Variants in ENTREP2 observed in about 807,000 individuals in gnomAD.
The protein encoded by ENTREP2 is endosomal transmembrane epsin interactor 2.
At chr15:29,320,868 C>T in the ENTREP2 span, among the ~76,000 whole-genome samples, 1 of 151,986 alleles carries the variant, frequency 6.6e-6, no homozygotes, top group Admixed American at 6.6e-5. Flanking sequence ...AATAAAATAA[C>T]CACCATAAAA....
chr15:29,657,350 G>T, the ENTREP2 span, among the ~76,000 whole-genome samples: 290 of 146,956 alleles, frequency 2.0e-3, no homozygotes, highest in Non-Finnish European at 2.5e-3. Flanking sequence ...AGCTCTCAAA[G>T]ACGGCAGTGT....
At chr15:29,232,795 C>A in the ENTREP2 span, among the ~76,000 whole-genome samples, 1 of 152,178 alleles carries the variant, frequency 6.6e-6, no homozygotes, top group Non-Finnish European at 1.5e-5. Flanking sequence ...AGGCGGTGTG[C>A]CACCACGTCC....
chr15:29,206,775 A>G, the ENTREP2 span, among the ~76,000 whole-genome samples: 858 of 152,288 alleles, frequency 5.6e-3, 5 homozygotes, highest in Non-Finnish European at 8.9e-3. Flanking sequence ...TTACACTTTA[A>G]GTGGGTGAAT....
the ENTREP2 span, among the ~76,000 whole-genome samples, chr15:29,511,970 C>T: frequency 1.3e-5 from 2 of 151,636 alleles, no homozygotes; most frequent in South Asian, 2.1e-4. Flanking sequence ...ATGCATACTA[C>T]AATATTAACA....
At chr15:29,626,474 C>T in the ENTREP2 span, among the ~76,000 whole-genome samples, 2 of 152,148 alleles carry the variant, frequency 1.3e-5, no homozygotes, top group African/African-American at 2.4e-5. Context: ...GCCACAATTG[C>T]GAGGCCTCCC....
At chr15:29,372,510 G>A in the ENTREP2 span, among the ~76,000 whole-genome samples, 1 of 152,130 alleles carries the variant, frequency 6.6e-6, no homozygotes, top group Admixed American at 6.5e-5. Flanking sequence ...TCAACTACAT[G>A]AGGGGTCAGT....
the ENTREP2 span, among the ~76,000 whole-genome samples, chr15:29,327,645 G>C: frequency 1.3e-5 from 2 of 148,520 alleles, no homozygotes; most frequent in African/African-American, 5.0e-5. Flanking sequence ...CACCAAAGAA[G>C]ATACAGGAAC....
the ENTREP2 span, among the ~76,000 whole-genome samples, chr15:29,207,455 C>CGGGGGGGG: frequency 4.9e-5 from 6 of 123,072 alleles, no homozygotes; most frequent in African/African-American, 1.6e-4. Flanking sequence ...GGTTGGGGGG[C>CGGGGGGGG]GGGGGGGGTG....
chr15:29,279,174 C>T, the ENTREP2 span, among the ~76,000 whole-genome samples: 1 of 152,184 alleles, frequency 6.6e-6, no homozygotes, highest in Non-Finnish European at 1.5e-5. Flanking sequence ...GGAGACACTG[C>T]AGCCCATCAC....
At chr15:29,129,845 G>A in the ENTREP2 span, among the ~76,000 whole-genome samples, 1 of 152,006 alleles carries the variant, frequency 6.6e-6, no homozygotes, top group Admixed American at 6.6e-5. Flanking sequence ...CATGTTGCAT[G>A]AGCACCCCCA....
chr15:29,618,217 T>C, the ENTREP2 span, among the ~76,000 whole-genome samples: 2 of 151,592 alleles, frequency 1.3e-5, no homozygotes. Context: ...AGGTCAGGAG[T>C]TCGAGACCAG....
chr15:29,603,688 G>C, the ENTREP2 span, among the ~76,000 whole-genome samples: 1 of 152,082 alleles, frequency 6.6e-6, no homozygotes, highest in Non-Finnish European at 1.5e-5. Flanking sequence ...ATCCAGGCCA[G>C]AGTGCAATGG....
At chr15:29,387,766 A>G in the ENTREP2 span, among the ~76,000 whole-genome samples, 1 of 152,236 alleles carries the variant, frequency 6.6e-6, no homozygotes, top group Admixed American at 6.5e-5. Context: ...TGGTACCAAA[A>G]CAGAGATACA....
At chr15:29,496,003 G>A in the ENTREP2 span, among the ~76,000 whole-genome samples, 1 of 151,984 alleles carries the variant, frequency 6.6e-6, no homozygotes, top group Non-Finnish European at 1.5e-5. Flanking sequence ...TGGGTATTAT[G>A]AATATTTTTA....
chr15:29,425,313 C>G, the ENTREP2 span, among the ~76,000 whole-genome samples: 2 of 152,188 alleles, frequency 1.3e-5, no homozygotes, highest in East Asian at 3.9e-4. Flanking sequence ...GCTGGGATTA[C>G]AGGCTGAGCC....
At chr15:29,126,379 G>C in the ENTREP2 span, 4 of 1,545,722 alleles carry the variant, frequency 2.6e-6, no homozygotes, top group East Asian at 9.8e-5. Flanking sequence ...CATGGCCAGG[G>C]GGAAGGGCAG....
At chr15:29,489,628 T>C in the ENTREP2 span, among the ~76,000 whole-genome samples, 25 of 152,332 alleles carry the variant, frequency 1.6e-4, no homozygotes, top group Non-Finnish European at 3.2e-4. Context: ...TAAGAACATA[T>C]GTATTTTACG....
the ENTREP2 span, among the ~76,000 whole-genome samples, chr15:29,385,606 G>C: frequency 1.3e-5 from 2 of 152,142 alleles, no homozygotes; most frequent in South Asian, 4.2e-4. Context: ...CTTCCCCCAG[G>C]GACATGTTCA....
chr15:29,465,500 C>A, the ENTREP2 span, among the ~76,000 whole-genome samples: 1 of 152,156 alleles, frequency 6.6e-6, no homozygotes, highest in African/African-American at 2.4e-5. Context: ...AGAGGATTGA[C>A]TTAAGTGGAC....
Sources: allele counts gnomAD v4.1 joint callset (sites outside exome capture counted in the v4.1 genomes callset), GRCh38; gene constraint gnomAD v4.1.1; transcripts MANE v1.5; gene names NCBI Gene and HGNC (gene_info 2026-07-23, HGNC 2026-07-21).